ZNF695: variants seen among roughly 807,000 people sequenced by gnomAD.
ZNF695 encodes the protein zinc finger protein SBZF3.
In ZNF695, 11 loss-of-function variants were observed where a neutral mutation model predicts 11.2. The observed-to-expected ratio is 0.98, with a 90% CI of 0.62 to 1.62. ZNF695 has a LOEUF of 1.62. Ranked by LOEUF, ZNF695 falls within the 40% of genes most tolerant of loss-of-function variation. The pLI is 0.00. For missense variants in ZNF695, 559 were observed against 590.5 expected, an observed-to-expected ratio of 0.95 and a Z score of 0.55; for synonymous variants, 190 against 201.4, an observed-to-expected ratio of 0.94 and a Z score of 0.48.
At chr1:246,946,017 CA>C (rs2102994997) in intron 5 of ZNF695, among the ~76,000 whole-genome samples, 1 of 152,122 alleles carries the variant, frequency 6.6e-6, no homozygotes, top group East Asian at 1.9e-4. Context: ...TTTTAGATGG[CA>C]AAAAGATGAA....
rs1191020024 is a variant in ZNF695, at chr1:246,987,435, G to T, written c.1080C>A (p.Ala360=). 2.7e-5 allele frequency: 44 copies of T among 1,611,918 alleles called. No individual in the cohort carries two copies. Among genetic ancestry groups the T allele is most frequent in the Non-Finnish European group, 3.6e-5 (42 of 1,179,096 alleles). ...KTFRCEECGK[A]FNQSSHLTEH... is the part of the protein sequence containing the mutation. The stretch of plus-strand genomic sequence containing the variant: ...CAGTCAGATGTGAGCTCTGGTTAAA[G>T]GCTTTTCCACATTCTTCACATCGGA... The change falls in exon 4 of 4, where the codon GCC becomes GCA. Residue 360 remains alanine, a synonymous_variant. Coordinates refer to ENST00000339986, the MANE Select transcript of ZNF695 (RefSeq NM_020394.5).
chr1:246,962,968 T>C (rs556920629), intron 5 of ZNF695, among the ~76,000 whole-genome samples: 34 of 152,268 alleles, frequency 2.2e-4, no homozygotes, highest in Non-Finnish European at 4.1e-4. Flanking sequence ...TGAGCCACCA[T>C]GCCCGGCCTT....
chr1:246,995,578 C>A (rs776745612), intron 3 of ZNF695, among the ~76,000 whole-genome samples: 23 of 152,010 alleles, frequency 1.5e-4, no homozygotes, highest in Non-Finnish European at 3.1e-4. Flanking sequence ...GCCTGTAATC[C>A]CAGCACCTTG....
At chr1:246,997,855 G>C (rs1669255584) in intron 3 of ZNF695, among the ~76,000 whole-genome samples, 1 of 152,070 alleles carries the variant, frequency 6.6e-6, no homozygotes, top group African/African-American at 2.4e-5. Flanking sequence ...TAAAAGGTTG[G>C]ACTCCTAGAA....
chr1:246,962,973 G>A (rs536122248), intron 5 of ZNF695, among the ~76,000 whole-genome samples: 3 of 152,176 alleles, frequency 2.0e-5, no homozygotes, highest in African/African-American at 4.8e-5. Context: ...CACCATGCCC[G>A]GCCTTGAAAC....
downstream of ZNF695, among the ~76,000 whole-genome samples, chr1:246,984,564 C>T (rs1053569778): frequency 6.6e-6 from 1 of 152,124 alleles, no homozygotes; most frequent in African/African-American, 2.4e-5. Flanking sequence ...TCTGGCACTG[C>T]GTTATGTTTC....
chr1:246,970,083 C>A (rs1225573087), intron 4 of ZNF695, among the ~76,000 whole-genome samples: 1 of 152,166 alleles, frequency 6.6e-6, no homozygotes, highest in Non-Finnish European at 1.5e-5. Flanking sequence ...GCTATCATAG[C>A]ACTTAGTATA....
downstream of ZNF695, among the ~76,000 whole-genome samples, chr1:246,980,800 C>T (rs925018522): frequency 4.6e-5 from 7 of 152,108 alleles, no homozygotes; most frequent in Non-Finnish European, 1.0e-4. Context: ...TATCCTGAAA[C>T]CTGAAACTAT....
chr1:247,004,105 G>A (rs1271930323), intron 1 of ZNF695, among the ~76,000 whole-genome samples: 6 of 152,118 alleles, frequency 3.9e-5, no homozygotes, highest in African/African-American at 7.2e-5. Context: ...CCAGCTACTC[G>A]GGAGGCTGAG....
At chr1:246,945,567 C>G, downstream of ZNF695, 1 of 501,390 alleles carries the variant, frequency 2.0e-6, no homozygotes, top group Non-Finnish European at 3.6e-6. Flanking sequence ...ATTTTCTTTT[C>G]TATTCATGGA....
intron 5 of ZNF695, among the ~76,000 whole-genome samples, chr1:246,953,944 CAAAAAAA>C (rs887310149): frequency 6.2e-5 from 4 of 64,716 alleles, no homozygotes; most frequent in East Asian, 4.2e-4. Flanking sequence ...AACAAACAAG[CAAAAAAA>C]AAAAAAAAAA....
intron 5 of ZNF695, among the ~76,000 whole-genome samples, chr1:246,947,196 T>TGGG (rs370864357): frequency 2.4e-5 from 3 of 124,992 alleles, no homozygotes; most frequent in African/African-American, 8.9e-5. Context: ...TTATTTTTTT[T>TGGG]GGGGGGGTGG....
At chr1:246,947,942 T>C (rs767817017) in intron 5 of ZNF695, among the ~76,000 whole-genome samples, 32 of 152,276 alleles carry the variant, frequency 2.1e-4, no homozygotes, top group African/African-American at 3.9e-4. Flanking sequence ...TGCAGAGTTG[T>C]TTGCTGAGGC....
At chr1:247,004,110 G>C (rs998968539) in intron 1 of ZNF695, among the ~76,000 whole-genome samples, 1 of 152,170 alleles carries the variant, frequency 6.6e-6, no homozygotes, top group African/African-American at 2.4e-5. Context: ...TACTCGGGAG[G>C]CTGAGGCAAG....
intron 5 of ZNF695, chr1:246,966,930 T>C (rs1668305231): frequency 2.3e-6 from 1 of 432,180 alleles, no homozygotes; most frequent in South Asian, 1.6e-5. Context: ...TATTAAATGT[T>C]ACTTTTTTTG....
rs1668863385 is a variant in ZNF695, at chr1:246,986,819, TTAG to T, written c.*145_*147del. On this transcript the variant is annotated 3_prime_UTR_variant, in exon 4 of 4. Coordinates refer to ENST00000339986, the MANE Select transcript of ZNF695 (RefSeq NM_020394.5). The stretch of plus-strand genomic sequence containing the variant: ...TTGTATTGTTCGTAGCCTAAACATT[TTAG>T]TGCACTCAAAGGCTCATAGACTGTA... 7.1e-7 allele frequency: 1 copy of T among 1,410,076 alleles called. No homozygotes were observed. The highest frequency in any genetic ancestry group is 1.4e-5 in the African/African-American group (1 of 69,372). 87.3% of individuals were successfully genotyped at this position (1,410,076 alleles called of 1,614,324 possible). A position where few individuals can be genotyped will look rare whatever the true frequency, so the allele number is the denominator to read the frequency against.
intron 1 of ZNF695, among the ~76,000 whole-genome samples, chr1:247,001,466 C>A (rs759135043): frequency 9.3e-5 from 14 of 151,210 alleles, no homozygotes; most frequent in Non-Finnish European, 1.9e-4. Flanking sequence ...AATCGCAGCA[C>A]TTTGGGAGGT....
chr1:246,988,857 G>A (rs1391575928), intron 3 of ZNF695, among the ~76,000 whole-genome samples: 26 of 152,098 alleles, frequency 1.7e-4, no homozygotes, highest in Admixed American at 8.5e-4. Context: ...TTGGGAGGCC[G>A]AGACGGGCGG....
In ZNF695 at chr1:246,988,198, A is replaced by T. The variant is rs1668914589; in HGVS notation, c.317T>A (p.Phe106Tyr). ...ILPEQGLQVS[F>Y]QKVMLRRYER... ...ATATCTTCTCAGCATCACTTTTTGGAATGAAACTTGCAGGCCCTGCTCTGG... is the reference window on the plus strand; with the variant it reads ...ATATCTTCTCAGCATCACTTTTTGGTATGAAACTTGCAGGCCCTGCTCTGG... Residue 106 changes from phenylalanine (F) to tyrosine (Y), a missense_variant, in exon 4 of 4, where the codon TTC becomes TAC. Coordinates refer to ENST00000339986, the MANE Select transcript of ZNF695 (RefSeq NM_020394.5). 1.0e-5 allele frequency: 16 copies of T among 1,603,482 alleles called. No homozygotes were observed. The highest frequency in any genetic ancestry group is 1.4e-5 in the Non-Finnish European group (16 of 1,176,562).
Sources: allele counts gnomAD v4.1 joint callset (sites outside exome capture counted in the v4.1 genomes callset), GRCh38; gene constraint gnomAD v4.1.1; transcripts MANE v1.5; gene names NCBI Gene and HGNC (gene_info 2026-07-23, HGNC 2026-07-21).